The following CACNA1C variants were observed in gnomAD, a reference collection of about 807,000 sequenced individuals.
CACNA1C encodes calcium voltage-gated channel subunit alpha1 C.
Under a neutral mutation model 229.0 loss-of-function variants are expected in CACNA1C, and 30 were observed. The observed-to-expected ratio is 0.13, with a 90% CI of 0.10 to 0.18. CACNA1C has a LOEUF of 0.18. CACNA1C is among the 10% of genes least tolerant of loss of function. The pLI is 1.00. For synonymous variants in CACNA1C, 1,114 were observed against 1,132.5 expected (o/e 0.98, Z 0.33); for missense variants, 1,658 against 2,845.0 (o/e 0.58, Z 9.49).
chr12:2,685,829 C>T lies in CACNA1C; in HGVS notation c.5667C>T (p.Arg1889=). Residue 1889 remains arginine, a synonymous_variant, in exon 44 of 47, where the codon CGC becomes CGT. Transcript: ENST00000399655. The stretch of plus-strand genomic sequence containing the variant: ...AATCTCCGAAGAGGGGTTTCCTCCG[C>T]TCTGCCTCACTAGGTAAATGCACCG... ...IRQSPKRGFL[R]SASLGRRASF... 1.2e-6 allele frequency: 2 copies of T among 1,611,136 alleles called. No individual in the cohort carries two copies. Among genetic ancestry groups the T allele is most frequent in the Non-Finnish European group, 1.7e-6 (2 of 1,177,232 alleles).
chr12:2,519,798 G>A (rs940783090), intron 9 of CACNA1C, among the ~76,000 whole-genome samples: 12 of 152,202 alleles, frequency 7.9e-5, no homozygotes, highest in East Asian at 1.9e-4. Flanking sequence ...CACCCAAAGC[G>A]GGGCGTGGGG....
intron 9 of CACNA1C, 25 bp from the exon 10 acceptor site, chr12:2,549,918 C>T: frequency 6.5e-7 from 1 of 1,543,902 alleles, no homozygotes; most frequent in Non-Finnish European, 8.9e-7. Context: ...CAATGCCTGG[C>T]TCTGCTTCCC....
chr12:2,514,921 C>T (rs187408088), intron 9 of CACNA1C, among the ~76,000 whole-genome samples: 8 of 152,352 alleles, frequency 5.3e-5, no homozygotes, highest in African/African-American at 1.7e-4. Context: ...TGACAAGGCC[C>T]ATCTACCCAA....
At chr12:2,623,355 A>T (rs123268) in intron 29 of CACNA1C, among the ~76,000 whole-genome samples, 2 of 152,164 alleles carry the variant, frequency 1.3e-5, no homozygotes, top group Non-Finnish European at 2.9e-5. Flanking sequence ...GAGCCTCTCC[A>T]TGGTTCCCCA....
rs1226661621 is a variant in CACNA1C at position 2,354,985 on chromosome 12, G to A, written c.478-93991G>A. ...ATCCTGGAGGTGCAGGTGTGAGGAT[G>A]GGTCTGGGTGTGGGGTGGGGTGGAG... On this transcript the variant is annotated intron_variant, in intron 3 of 46. Coordinates refer to ENST00000399655, the MANE Select transcript of CACNA1C (RefSeq NM_000719.7). The surrounding 1 kb of genome is among the most constrained non-coding windows in gnomAD (Gnocchi z 4.6). Among the ~76,000 whole-genome samples the A allele has an allele frequency of 1.3e-5, 2 of 152,148 alleles. No individual in the cohort carries two copies. Among genetic ancestry groups the A allele is most frequent in the Non-Finnish European group, 2.9e-5 (2 of 68,034 alleles).
intron 1 of CACNA1C, among the ~76,000 whole-genome samples, chr12:2,047,514 C>G (rs1000893764): frequency 6.6e-6 from 1 of 152,206 alleles, no homozygotes; most frequent in African/African-American, 2.4e-5. Flanking sequence ...AAAGACCAGG[C>G]TCTTCGCTGT....
Position 2,053,705 on chromosome 12 carries a change from C to T in CACNA1C, c.49+94C>T, listed in dbSNP as rs1594455953. ...CTCCCCGCGGCCCCGGGGCCGGTCC[C>T]TGCGGAGTGGCCCGGGGCCGCGTCC... is the stretch of plus-strand genomic sequence containing the variant. On this transcript the variant is annotated intron_variant, in intron 1 of 46. Transcript: ENST00000399655. The surrounding 1 kb of genome is among the most constrained non-coding windows in gnomAD (Gnocchi z 5.8). 9.3e-6 allele frequency: 11 copies of T among 1,184,828 alleles called. No individual in the cohort carries two copies. In the East Asian group the frequency reaches 3.1e-4, roughly 34 times the overall value. 73.4% of individuals were successfully genotyped at this position (1,184,828 alleles called of 1,614,324 possible).
chr12:2,161,422 C>T (rs796270579), intron 3 of CACNA1C, among the ~76,000 whole-genome samples: 1 of 152,156 alleles, frequency 6.6e-6, no homozygotes, highest in Non-Finnish European at 1.5e-5. Flanking sequence ...CCAGCTTGGT[C>T]GGCCCACTTT....
At chr12:1,993,021 T>C in intron 1 of CACNA1C, 1 of 652,944 alleles carries the variant, frequency 1.5e-6, no homozygotes, top group Non-Finnish European at 2.7e-6. Context: ...TACAAATCCA[T>C]AAAGCTTCAA....
chr12:2,656,258 C>A (rs1444554294), intron 34 of CACNA1C, among the ~76,000 whole-genome samples: 4 of 152,180 alleles, frequency 2.6e-5, no homozygotes, highest in African/African-American at 9.6e-5. Context: ...GACACAAAAT[C>A]AACCCACAAA....
chr12:2,532,339 C>T (rs1004322928), intron 9 of CACNA1C, among the ~76,000 whole-genome samples: 1 of 152,136 alleles, frequency 6.6e-6, no homozygotes, highest in African/African-American at 2.4e-5. Context: ...CTGTCTGCCT[C>T]TCTCCCTCCC....
chr12:2,041,142 CTGTT>C (rs1198857058), intron 1 of CACNA1C, among the ~76,000 whole-genome samples: 1 of 152,112 alleles, frequency 6.6e-6, no homozygotes, highest in Non-Finnish European at 1.5e-5. Flanking sequence ...AGTGCCTGCT[CTGTT>C]TGGCCTTTCT....
At chr12:2,509,071 C>T (rs1210158246) in intron 8 of CACNA1C, among the ~76,000 whole-genome samples, 2 of 152,204 alleles carry the variant, frequency 1.3e-5, no homozygotes, top group Non-Finnish European at 2.9e-5. Context: ...CTCCAGTTGG[C>T]AAGAGGCCCA....
chr12:2,577,138 G>A (rs576940925), intron 13 of CACNA1C, among the ~76,000 whole-genome samples: 16 of 152,304 alleles, frequency 1.1e-4, no homozygotes, highest in African/African-American at 3.9e-4. Flanking sequence ...TCTCTCTGTT[G>A]AATGGGAAGC....
chr12:1,981,197 C>G (rs1285290955), intron 1 of CACNA1C, among the ~76,000 whole-genome samples: 1 of 152,110 alleles, frequency 6.6e-6, no homozygotes, highest in Non-Finnish European at 1.5e-5. Context: ...TGAGCGGCTC[C>G]TAGGTAAGCT....
intron 3 of CACNA1C, among the ~76,000 whole-genome samples, chr12:2,417,625 G>A (rs1389412976): frequency 1.3e-5 from 2 of 152,104 alleles, no homozygotes; most frequent in African/African-American, 4.8e-5. Flanking sequence ...ACAAGGGAGA[G>A]GTAATGATGC....
chr12:2,186,957 C>G (rs921784953), intron 3 of CACNA1C, among the ~76,000 whole-genome samples: 5 of 151,712 alleles, frequency 3.3e-5, no homozygotes, highest in African/African-American at 1.2e-4. Flanking sequence ...CTGTGAGGTC[C>G]CCTTTCCCCA....
chr12:2,153,701 C>G (rs1213624211), intron 3 of CACNA1C, among the ~76,000 whole-genome samples: 1 of 152,202 alleles, frequency 6.6e-6, no homozygotes, highest in African/African-American at 2.4e-5. Context: ...CCTTTGTCCT[C>G]TGCGTGGGGT....
intron 9 of CACNA1C, among the ~76,000 whole-genome samples, chr12:2,538,022 A>T (rs2099860125): frequency 6.6e-6 from 1 of 151,986 alleles, no homozygotes. Flanking sequence ...AGGCAGCCTG[A>T]TAGACTCCGT....
Sources: gnomAD v4.1 joint callset for allele counts (sites outside exome capture counted in the v4.1 genomes callset) on GRCh38, gnomAD v4.1.1 for gene constraint, Gnocchi (gnomAD v3.1) non-coding constraint, MANE v1.5 for transcripts, NCBI Gene and HGNC (gene_info 2026-07-23, HGNC 2026-07-21) for gene names.